EFHD1: variants seen among roughly 807,000 people sequenced by gnomAD.
The protein encoded by EFHD1 is EF-hand domain-containing protein D1.
EFHD1 carries 10 observed loss-of-function variants against 17.2 expected under a neutral mutation model. The observed-to-expected ratio is 0.58, with a 90% confidence interval of 0.36 to 0.99. The LOEUF (loss-of-function observed/expected upper bound fraction) is 0.99, where lower values mean the gene tolerates loss of function less well. EFHD1 is among the 50% of genes least tolerant of loss of function. The pLI is 0.01. For missense variants in EFHD1, 310 were observed against 327.5 expected (o/e 0.95, Z 0.41); for synonymous variants, 153 against 142.0 (o/e 1.08, Z -0.55).
At chr2:232,613,649 C>CACACACACAAAT (rs1226629832) in intron 1 of EFHD1, among the ~76,000 whole-genome samples, 10 of 145,818 alleles carry the variant, frequency 6.9e-5, no homozygotes, top group East Asian at 4.3e-4. Flanking sequence ...CACACATACA[C>CACACACACAAAT]ACACACACAA....
At chr2:232,657,655 C>G (rs1574724123) in intron 1 of EFHD1, among the ~76,000 whole-genome samples, 1 of 151,594 alleles carries the variant, frequency 6.6e-6, no homozygotes, top group East Asian at 2.0e-4. Context: ...ACTAAAAATA[C>G]AAAAAATTAG....
chr2:232,662,274 G>T (rs1694885605), intron 1 of EFHD1, among the ~76,000 whole-genome samples: 1 of 152,090 alleles, frequency 6.6e-6, no homozygotes, highest in East Asian at 1.9e-4. Flanking sequence ...GGAATCATGA[G>T]CCAGAGTCAT....
chr2:232,672,542 C>A, intron 3 of EFHD1, 99 bp downstream of exon 3: 1 of 1,486,332 alleles, frequency 6.7e-7, no homozygotes, highest in Non-Finnish European at 9.0e-7. Context: ...AGCACACCTG[C>A]AGAAACAGAC....
At chr2:232,667,635 C>T (rs1377004809) in intron 2 of EFHD1, among the ~76,000 whole-genome samples, 1 of 152,072 alleles carries the variant, frequency 6.6e-6, no homozygotes, top group East Asian at 1.9e-4. Context: ...TCACTGCAAC[C>T]TCCGCCTCCC....
chr2:232,653,361 G>A (rs1296884580), intron 1 of EFHD1, among the ~76,000 whole-genome samples: 2 of 152,020 alleles, frequency 1.3e-5, no homozygotes, highest in South Asian at 2.1e-4. Flanking sequence ...CATGATCTTG[G>A]CTCACCACAA....
chr2:232,655,028 CTT>C (rs1289747016), intron 1 of EFHD1, among the ~76,000 whole-genome samples: 1 of 152,210 alleles, frequency 6.6e-6, no homozygotes, highest in Non-Finnish European at 1.5e-5. Flanking sequence ...TCTGCTCACT[CTT>C]TGTTCATGTC....
intron 2 of EFHD1, among the ~76,000 whole-genome samples, chr2:232,668,007 T>C (rs900222528): frequency 6.6e-6 from 1 of 152,238 alleles, no homozygotes; most frequent in Admixed American, 6.5e-5. Flanking sequence ...CCTGAGTGTA[T>C]CAGAAGCATC....
At chr2:232,649,740 G>A (rs1413939087) in intron 1 of EFHD1, 1 of 152,280 alleles carries the variant, frequency 6.6e-6, no homozygotes. Flanking sequence ...TTACAGATGG[G>A]GCCAAGTCTC....
chr2:232,646,747 G>A (rs751184744), intron 1 of EFHD1, among the ~76,000 whole-genome samples: 5 of 152,116 alleles, frequency 3.3e-5, no homozygotes, highest in African/African-American at 9.7e-5. Context: ...GTGCCCGGCC[G>A]GTTATTGCTG....
At chr2:232,627,062 ATATT>A (rs1411500548) in intron 1 of EFHD1, among the ~76,000 whole-genome samples, 143 of 109,502 alleles carry the variant, frequency 1.3e-3, no homozygotes, top group African/African-American at 2.8e-3. Context: ...ATATATATAT[ATATT>A]TTTTTTTTTT....
At chr2:232,618,898 C>A (rs1693972536) in intron 1 of EFHD1, among the ~76,000 whole-genome samples, 1 of 152,056 alleles carries the variant, frequency 6.6e-6, no homozygotes, top group Non-Finnish European at 1.5e-5. Context: ...AATCCCTGTA[C>A]TTTGGGAGGC....
rs141418547 is a variant in EFHD1, at chr2:232,613,661, T to TACACACACACACACAAATAC, written c.14+7499_14+7500insCACAAATACACACACACACA. 3.4e-3 allele frequency among the ~76,000 whole-genome samples: 433 copies of TACACACACACACACAAATAC among 128,774 alleles called. 3 individuals carry two copies. Among genetic ancestry groups the TACACACACACACACAAATAC allele is most frequent in the African/African-American group, 0.012 (377 of 32,354 alleles). The allele number at this position is 128,774 out of a possible 152,430, so 84.5% of individuals were successfully genotyped here. A position where few individuals can be genotyped will look rare whatever the true frequency, so the allele number is the denominator to read the frequency against. On this transcript the variant is annotated intron_variant, in intron 1 of 3. Coordinates refer to the EFHD1 transcript ENST00000409613. ...ACACACACATACACACACACACAAA[T>TACACACACACACACAAATAC]ACACACACACAAATATACACACATA...
upstream of EFHD1, among the ~76,000 whole-genome samples, chr2:232,630,679 C>G (rs1357020888): frequency 1.3e-5 from 2 of 151,626 alleles, no homozygotes; most frequent in African/African-American, 4.9e-5. Context: ...GGCACCGTGG[C>G]TCACCCCTGT....
intron 3 of EFHD1, among the ~76,000 whole-genome samples, chr2:232,675,664 G>C (rs61350459): frequency 6.6e-6 from 1 of 152,114 alleles, no homozygotes; most frequent in Non-Finnish European, 1.5e-5. Flanking sequence ...GCACTACCAG[G>C]ACACACTTGC....
intron 1 of EFHD1, among the ~76,000 whole-genome samples, chr2:232,606,961 C>T (rs1381035373): frequency 6.6e-6 from 1 of 151,734 alleles, no homozygotes; most frequent in African/African-American, 2.4e-5. Context: ...CAGTGGCACA[C>T]CCCAATCTGG....
chr2:232,681,292 A>C (rs1400458080), intron 3 of EFHD1, among the ~76,000 whole-genome samples: 1 of 152,246 alleles, frequency 6.6e-6, no homozygotes, highest in Admixed American at 6.5e-5. Context: ...ATAAACTGGG[A>C]TGTTAAACTG....
chr2:232,623,692 A>AAAAAG (rs1553595792), intron 1 of EFHD1, among the ~76,000 whole-genome samples: 1 of 101,960 alleles, frequency 9.8e-6, no homozygotes, highest in Non-Finnish European at 1.9e-5. Context: ...AAAAAAAAAA[A>AAAAAG]AAGAAGAAGA....
At chr2:232,681,056 T>C (rs1283086769) in intron 3 of EFHD1, among the ~76,000 whole-genome samples, 1 of 151,782 alleles carries the variant, frequency 6.6e-6, no homozygotes, top group East Asian at 1.9e-4. Context: ...CTCGGGAGGC[T>C]GAGACAGAAG....
intron 1 of EFHD1, among the ~76,000 whole-genome samples, chr2:232,617,310 A>G (rs145318299): frequency 6.6e-6 from 1 of 152,274 alleles, no homozygotes; most frequent in East Asian, 1.9e-4. Context: ...TTCAGCATCA[A>G]CAGTGAAATG....
Sources: gnomAD v4.1 joint callset for allele counts (sites outside exome capture counted in the v4.1 genomes callset) on GRCh38, gnomAD v4.1.1 for gene constraint, MANE v1.5 for transcripts, NCBI Gene and HGNC (gene_info 2026-07-23, HGNC 2026-07-21) for gene names.